Variants in CCDC7 observed in about 807,000 individuals in gnomAD.
CCDC7 encodes the protein coiled-coil domain-containing protein 7.
A neutral mutation model predicts 196.9 loss-of-function variants in CCDC7; 183 were observed. The ratio of observed to expected loss-of-function variants is 0.93; its 90% CI spans 0.82 to 1.05. The LOEUF is 1.05. Among genes scored for constraint, CCDC7 ranks in the 50% least tolerant of loss-of-function variants. The pLI is 0.00. For missense variants in CCDC7, 1,540 were observed against 1,482.2 expected, an observed-to-expected ratio of 1.04 and a Z score of -0.64; for synonymous variants, 525 against 484.6, an observed-to-expected ratio of 1.08 and a Z score of -1.10.
upstream of CCDC7, among the ~76,000 whole-genome samples, chr10:32,450,493 C>T (rs1032842631): frequency 3.3e-5 from 5 of 152,142 alleles, no homozygotes; most frequent in Non-Finnish European, 7.4e-5. Context: ...TAGAGAGCTT[C>T]AGATAACAGA....
intron 11 of CCDC7, among the ~76,000 whole-genome samples, chr10:32,527,446 T>C (rs1388213557): frequency 6.6e-6 from 1 of 152,190 alleles, no homozygotes; most frequent in Non-Finnish European, 1.5e-5. Context: ...TAAAATTTGG[T>C]GTTCCAACAG....
rs1034060171 is a variant in CCDC7, at chr10:32,760,545, T to A, written c.2906-18432T>A. Among the ~76,000 whole-genome samples the A allele has an allele frequency of 4.3e-4, 65 of 151,786 alleles. 1 individual carries two copies. Among genetic ancestry groups the A allele is most frequent in the Non-Finnish European group, 9.0e-4 (61 of 67,962 alleles). On this transcript the variant is annotated intron_variant, in intron 28 of 41. Coordinates refer to ENST00000639629, the Ensembl canonical transcript of CCDC7. ...TCACTCATAGGTGGGAATTGAACAA[T>A]GAGAACACTTGGACACAGGAAGGGG... is the stretch of plus-strand genomic sequence containing the variant.
At chr10:32,737,196 T>G (rs929458949) in intron 28 of CCDC7, among the ~76,000 whole-genome samples, 8 of 152,210 alleles carry the variant, frequency 5.3e-5, no homozygotes, top group Admixed American at 1.3e-4. Flanking sequence ...GTTGCGTACC[T>G]GGGATAAACC....
chr10:32,583,245 C>CA (rs1564730943), exon 17 of CCDC7: 9 of 1,231,132 alleles, frequency 7.3e-6, no homozygotes, highest in Non-Finnish European at 8.1e-6. Flanking sequence ...AACATTGGCT[C>CA]AAAAAAACGA....
intron 33 of CCDC7, among the ~76,000 whole-genome samples, chr10:32,840,373 C>T (rs2092899620): frequency 6.6e-6 from 1 of 151,888 alleles, no homozygotes; most frequent in Non-Finnish European, 1.5e-5. Context: ...ACTCTGAACA[C>T]ATTTACCCAT....
rs2037842418 is a variant in CCDC7 at position 32,471,050 on chromosome 10, T to C, written c.511-14T>C. The C allele has an allele frequency of 2.6e-6, 4 of 1,561,616 alleles. No homozygotes were observed. In the East Asian group the frequency reaches 9.1e-5, roughly 35 times the overall value. ...GGGTATTTACTAAATAACTGGTTAA[T>C]TTTATTATTTTAGATAAGTAAAGAT... On this transcript the variant is annotated splice_polypyrimidine_tract_variant and intron_variant, in intron 5 of 41. Transcript: ENST00000639629.
intron 24 of CCDC7, among the ~76,000 whole-genome samples, chr10:32,709,177 T>C (rs374263445): frequency 3.9e-4 from 60 of 151,950 alleles, no homozygotes; most frequent in African/African-American, 1.4e-3. Context: ...TGTAGGGACA[T>C]GGATGAAGCT....
At chr10:32,595,036 T>C (rs186154363) in intron 18 of CCDC7, among the ~76,000 whole-genome samples, 20 of 152,344 alleles carry the variant, frequency 1.3e-4, no homozygotes, top group Admixed American at 1.2e-3. Flanking sequence ...CCTGCTAGGC[T>C]TTGGTATCAG....
intron 41 of CCDC7, among the ~76,000 whole-genome samples, chr10:32,858,835 T>C (rs144169319): frequency 0.014 from 2,056 of 152,026 alleles, 24 homozygotes; most frequent in Non-Finnish European, 0.019. Context: ...CATTACATAA[T>C]GGTAAAAGGA....
chr10:32,505,043 C>T (rs953080024), intron 9 of CCDC7, among the ~76,000 whole-genome samples: 9 of 152,122 alleles, frequency 5.9e-5, no homozygotes, highest in Non-Finnish European at 4.4e-5. Flanking sequence ...GTCTGTCTCT[C>T]GATTCAGATC....
chr10:32,876,396 A>T, downstream of CCDC7: 1 of 1,609,084 alleles, frequency 6.2e-7, no homozygotes, highest in Non-Finnish European at 8.5e-7. Flanking sequence ...ACTTTTGAGA[A>T]TGAAGGAAAT....
chr10:32,510,580 T>C (rs1478333879), intron 9 of CCDC7, among the ~76,000 whole-genome samples: 1 of 152,184 alleles, frequency 6.6e-6, no homozygotes, highest in Non-Finnish European at 1.5e-5. Flanking sequence ...CCCCAATTCA[T>C]TGGGATAGAT....
intron 18 of CCDC7, among the ~76,000 whole-genome samples, chr10:32,588,360 A>G (rs777507175): frequency 7.3e-6 from 1 of 137,264 alleles, no homozygotes; most frequent in African/African-American, 2.7e-5. Flanking sequence ...TTTTCAAACC[A>G]TGAAATGGTA....
chr10:32,627,878 A>G (rs2064279533), intron 18 of CCDC7, among the ~76,000 whole-genome samples: 1 of 151,926 alleles, frequency 6.6e-6, no homozygotes, highest in Non-Finnish European at 1.5e-5. Context: ...TGACCTTGAT[A>G]GGTGATACCG....
chr10:32,790,384 A>G (rs995406589), intron 29 of CCDC7, among the ~76,000 whole-genome samples: 3 of 152,126 alleles, frequency 2.0e-5, no homozygotes, highest in African/African-American at 7.2e-5. Flanking sequence ...CCACATAAAC[A>G]CCACCAAGGC....
intron 28 of CCDC7, among the ~76,000 whole-genome samples, chr10:32,730,918 TG>T (rs756223634): frequency 1.1e-4 from 17 of 152,140 alleles, no homozygotes; most frequent in Non-Finnish European, 2.1e-4. Flanking sequence ...AGCATAATTT[TG>T]TTCATGGATA....
chr10:32,778,930 T>C (rs2134264674), intron 28 of CCDC7, 47 bp from the exon 30 acceptor site: 2 of 1,400,958 alleles, frequency 1.4e-6, no homozygotes, highest in South Asian at 1.3e-5. Context: ...TTTCACAAAA[T>C]GTTAGTTTTT....
intron 2 of CCDC7, among the ~76,000 whole-genome samples, chr10:32,454,064 T>C (rs908016894): frequency 6.6e-6 from 1 of 152,124 alleles, no homozygotes; most frequent in Non-Finnish European, 1.5e-5. Context: ...TGTAGATGAA[T>C]CTCAAAAACA....
intron 20 of CCDC7, among the ~76,000 whole-genome samples, chr10:32,656,729 C>G (rs1417352072): frequency 6.6e-6 from 1 of 152,178 alleles, no homozygotes. Flanking sequence ...CGGCCCCTCC[C>G]AAATCTCATG....
Sources: gnomAD v4.1 joint callset for allele counts (sites outside exome capture counted in the v4.1 genomes callset) on GRCh38, gnomAD v4.1.1 for gene constraint, MANE v1.5 for transcripts, NCBI Gene and HGNC (gene_info 2026-07-23, HGNC 2026-07-21) for gene names.